Variants in SLC24A1 observed in about 807,000 individuals in gnomAD.
SLC24A1 encodes the protein solute carrier family 24 member 1.
SLC24A1 carries 52 observed loss-of-function variants against 88.1 expected under a neutral mutation model. That is an observed-to-expected ratio of 0.59 (90% CI 0.47 to 0.74). The LOEUF (loss-of-function observed/expected upper bound fraction) is 0.74. Ranked by LOEUF, SLC24A1 falls within the 30% of genes least tolerant of loss-of-function variation. The probability of loss-of-function intolerance (pLI) is 0.00; values close to 1 mark genes in which losing one functional copy is unlikely to be tolerated. For missense variants in SLC24A1, 1,173 were observed against 1,363.3 expected, an observed-to-expected ratio of 0.86 and a Z score of 2.20; for synonymous variants, 455 against 498.0, an observed-to-expected ratio of 0.91 and a Z score of 1.15.
At position 65,625,467 on chromosome 15, in the gene SLC24A1, A is replaced by AG; in HGVS notation, c.1387_1388insG (p.Met463SerfsTer46). 1.9e-6 allele frequency: 3 copies of AG among 1,613,870 alleles called. No homozygotes were observed. The highest frequency in any genetic ancestry group is 2.5e-6 in the Non-Finnish European group (3 of 1,179,862). On this transcript the variant is annotated frameshift_variant, in exon 2 of 10. Transcript: ENST00000261892. LOFTEE classifies it high-confidence loss of function. ...GGTGGTCCTGCACGTTTTTGGCATGATGTATGTGTTTGTGGCCTTGGCCAT... is the reference window on the plus strand; with the variant it reads ...GGTGGTCCTGCACGTTTTTGGCATGAGTGTATGTGTTTGTGGCCTTGGCCAT...
chr15:65,643,672 C>T (rs2075208763), intron 4 of SLC24A1, among the ~76,000 whole-genome samples: 2 of 152,228 alleles, frequency 1.3e-5, no homozygotes, highest in East Asian at 1.9e-4. Flanking sequence ...AAGAGAGTTG[C>T]CTGTCCCGTG....
rs1596338507 is a variant in SLC24A1 at position 65,645,498 on chromosome 15, C to T, written c.2141-114C>T. The stretch of plus-strand genomic sequence containing the variant: ...CCAACAAGAAATTCCCCCAAATAAA[C>T]CTTCAGAAACCCTGAAGTCCAATAG... On this transcript the variant is annotated intron_variant, in intron 5 of 9. Transcript: ENST00000261892. The T allele has an allele frequency of 7.7e-6, 6 of 777,048 alleles. No homozygotes were observed. The East Asian group carries it at 1.6e-4, about 21-fold the overall frequency. 48.1% of individuals were successfully genotyped at this position (777,048 alleles called of 1,614,324 possible).
Position 65,653,824 on chromosome 15 carries a change from T to G in SLC24A1, c.3051-6T>G, listed in dbSNP as rs2075590186. 6.2e-7 allele frequency: 1 copy of G among 1,613,272 alleles called. No individual in the cohort carries two copies. The highest frequency in any genetic ancestry group is 1.1e-5 in the South Asian group (1 of 91,038). ...GGATATTCACATCGTTTCTTCAATC[T>G]TGCAGCTTGCCTGTTCCTTGGTTGC... On this transcript the variant is annotated splice_region_variant and splice_polypyrimidine_tract_variant and intron_variant, in intron 9 of 9. Coordinates refer to ENST00000261892, the MANE Select transcript of SLC24A1 (RefSeq NM_004727.3).
Position 65,639,014 on chromosome 15 carries a change from C to A in SLC24A1, c.1945-581C>A, listed in dbSNP as rs547848536. On this transcript the variant is annotated intron_variant, in intron 3 of 9. Coordinates refer to ENST00000261892, the MANE Select transcript of SLC24A1 (RefSeq NM_004727.3). Reference sequence around the variant, plus strand: ...TCTGAGCACATGGGCAGAAAAAAAACCAAAACAAAACTGAAAACTGGGAAT... The same window carrying A: ...TCTGAGCACATGGGCAGAAAAAAAAACAAAACAAAACTGAAAACTGGGAAT... Among the ~76,000 whole-genome samples the A allele has an allele frequency of 5.8e-4, 89 of 152,190 alleles. 1 individual carries two copies. The highest frequency in any genetic ancestry group is 4.1e-3 in the East Asian group (21 of 5,182).
intron 5 of SLC24A1, 138 bp downstream of exon 5, chr15:65,644,651 A>G (rs1002487553): frequency 1.4e-5 from 9 of 638,438 alleles, no homozygotes; most frequent in African/African-American, 7.3e-5. Context: ...AGTCAGTTAG[A>G]GTGATGGTAG....
intron 2 of SLC24A1, among the ~76,000 whole-genome samples, chr15:65,634,011 C>T (rs1237341021): frequency 1.3e-5 from 2 of 152,110 alleles, no homozygotes; most frequent in Non-Finnish European, 2.9e-5. Context: ...AGAGGTCTGA[C>T]AGCTAATTGG....
intron 4 of SLC24A1, chr15:65,642,777 G>A (rs2075172393): frequency 3.0e-6 from 1 of 337,338 alleles, no homozygotes; most frequent in Non-Finnish European, 5.8e-6. Flanking sequence ...TGAACTAACT[G>A]AGAGTTTAGG....
chr15:65,616,350 G>T (rs2074144119), intron 2 of SLC24A1, among the ~76,000 whole-genome samples: 1 of 152,180 alleles, frequency 6.6e-6, no homozygotes, highest in Non-Finnish European at 1.5e-5. Flanking sequence ...CACCAACAGT[G>T]TAAAAGCATT....
chr15:65,660,003 C>A, downstream of SLC24A1: 1 of 331,542 alleles, frequency 3.0e-6, no homozygotes, highest in East Asian at 5.1e-5. Flanking sequence ...AGAAGAGAAC[C>A]CCAGACGGTT....
At chr15:65,653,091 C>A (rs1158778548) in intron 9 of SLC24A1, among the ~76,000 whole-genome samples, 1 of 152,190 alleles carries the variant, frequency 6.6e-6, no homozygotes, top group Admixed American at 6.5e-5. Context: ...ATGCTCTGCT[C>A]ACTGACTTTC....
rs34638000 is a variant in SLC24A1 at position 65,625,646 on chromosome 15, C to T, written c.1566C>T (p.Asn522=). ...SLIGVFISHS[N]VGIGTIVGSA... ...TCGGTGTCTTCATTTCCCACAGCAA[C>T]GTGGGCATTGGTACCATTGTGGGCT... Residue 522 remains asparagine (N), a synonymous_variant, in exon 2 of 10, where the codon AAC becomes AAT. Transcript: ENST00000261892. The T allele has an allele frequency of 2.9e-5, 47 of 1,614,002 alleles. No individual in the cohort carries two copies. Among genetic ancestry groups the T allele is most frequent in the African/African-American group, 2.0e-4 (15 of 75,050 alleles).
In SLC24A1 at chr15:65,650,969, C is replaced by T. The variant is rs767561008; in HGVS notation, c.2793+27C>T. The T allele has an allele frequency of 6.3e-7, 1 of 1,596,802 alleles. No homozygotes were observed. The highest frequency in any genetic ancestry group is 8.6e-7 in the Non-Finnish European group (1 of 1,164,274). ...TGAGTGTGCCCATCTGTATCTCAGA[C>T]TCTTTATCCCCAGCAGGGCTGTGGG... On this transcript the variant is annotated intron_variant, in intron 7 of 9. Coordinates refer to ENST00000261892, the MANE Select transcript of SLC24A1 (RefSeq NM_004727.3). This position sits in a 1 kb window ranked among gnomAD's most constrained non-coding sequence, Gnocchi z 4.1.
chr15:65,623,172 T>C (rs1247304504), intron 1 of SLC24A1, among the ~76,000 whole-genome samples: 1 of 152,204 alleles, frequency 6.6e-6, no homozygotes, highest in African/African-American at 2.4e-5. Context: ...TAACAGAATA[T>C]ACAGTGAAAA....
At chr15:65,641,019 C>A (rs1356426343) in intron 4 of SLC24A1, among the ~76,000 whole-genome samples, 7 of 152,074 alleles carry the variant, frequency 4.6e-5, no homozygotes, top group Non-Finnish European at 7.4e-5. Flanking sequence ...CGAGATTGCA[C>A]CGCTGCACTC....
At chr15:65,660,976 A>G (rs1211434320), downstream of SLC24A1, 1 of 152,224 alleles carries the variant, frequency 6.6e-6, no homozygotes, top group Non-Finnish European at 1.5e-5. Flanking sequence ...TTCATGTAGA[A>G]TATTAAAATT....
chr15:65,631,938 TCTC>T (rs913287227), intron 2 of SLC24A1, among the ~76,000 whole-genome samples: 2 of 152,140 alleles, frequency 1.3e-5, no homozygotes, highest in African/African-American at 4.8e-5. Flanking sequence ...TTCAAGTGAT[TCTC>T]CTGCCTCAGC....
intron 3 of SLC24A1, among the ~76,000 whole-genome samples, chr15:65,639,144 A>G (rs1260695312): frequency 1.3e-5 from 2 of 152,110 alleles, no homozygotes; most frequent in Non-Finnish European, 2.9e-5. Context: ...TTCCCTTTCC[A>G]TAGATGGGGA....
intron 2 of SLC24A1, among the ~76,000 whole-genome samples, chr15:65,633,956 G>A (rs1268858748): frequency 6.6e-6 from 1 of 152,148 alleles, no homozygotes. Context: ...AGGACTATAG[G>A]CAGGAGAGTG....
intron 2 of SLC24A1, among the ~76,000 whole-genome samples, chr15:65,632,957 A>G (rs1490559589): frequency 6.6e-6 from 1 of 152,248 alleles, no homozygotes; most frequent in African/African-American, 2.4e-5. Context: ...AGTAGTTTAC[A>G]CTATCACGTG....
Sources: allele counts gnomAD v4.1 joint callset (sites outside exome capture counted in the v4.1 genomes callset), GRCh38; gene constraint gnomAD v4.1.1; non-coding constraint Gnocchi (gnomAD v3.1); transcripts MANE v1.5; gene names NCBI Gene and HGNC (gene_info 2026-07-23, HGNC 2026-07-21).